The following UMAD1 variants were observed in gnomAD, a reference collection of about 807,000 sequenced individuals.
The protein encoded by UMAD1 is UBAP1-MVB12-associated (UMA) domain containing 1, also known as UBAP1-MVB12-associated (UMA)-domain containing protein 1.
In UMAD1, 8 loss-of-function variants were observed where a neutral mutation model predicts 6.1. That is an observed-to-expected ratio of 1.30 (90% CI 0.76 to 2.35). UMAD1 has a LOEUF of 2.35. Ranked by LOEUF, UMAD1 falls within the 30% of genes most tolerant of loss-of-function variation. The pLI is 0.00. For missense variants in UMAD1, 130 were observed against 78.4 expected, an observed-to-expected ratio of 1.66 and a Z score of -2.49; for synonymous variants, 56 against 31.4, an observed-to-expected ratio of 1.78 and a Z score of -2.61.
intron 2 of UMAD1, among the ~76,000 whole-genome samples, chr7:7,738,302 A>G (rs1014367717): frequency 6.6e-6 from 1 of 152,238 alleles, no homozygotes; most frequent in African/African-American, 2.4e-5. Context: ...TGTTCTGCCT[A>G]TGCCCTTAGT....
At chr7:7,758,953 C>T (rs1379509660) in intron 2 of UMAD1, among the ~76,000 whole-genome samples, 1 of 152,118 alleles carries the variant, frequency 6.6e-6, no homozygotes, top group East Asian at 1.9e-4. Context: ...TGTTTTTATA[C>T]AGAAAATGAG....
At chr7:7,791,100 C>G (rs1423562643) in intron 2 of UMAD1, among the ~76,000 whole-genome samples, 2 of 152,188 alleles carry the variant, frequency 1.3e-5, no homozygotes, top group Middle Eastern at 6.3e-3. Flanking sequence ...GTTGGCCAGG[C>G]TGGTCTCGAA....
At chr7:7,790,431 A>G (rs1782546654) in intron 2 of UMAD1, among the ~76,000 whole-genome samples, 2 of 152,226 alleles carry the variant, frequency 1.3e-5, no homozygotes, top group African/African-American at 2.4e-5. Context: ...TTGTAGCCCA[A>G]CTAAAAGTCT....
chr7:7,827,389 C>T (rs1246607669), intron 3 of UMAD1, among the ~76,000 whole-genome samples: 4 of 151,932 alleles, frequency 2.6e-5, no homozygotes, highest in African/African-American at 9.7e-5. Context: ...GGGCAGTCCT[C>T]CTGTATTCAA....
At chr7:7,742,508 C>G (rs1286558633) in intron 2 of UMAD1, 2 of 522,076 alleles carry the variant, frequency 3.8e-6, no homozygotes, top group Non-Finnish European at 7.5e-6. Context: ...GAAGCCTTCA[C>G]TTTGGCTTCA....
In UMAD1 at chr7:7,647,886, T is replaced by C. The variant is rs368656248; in HGVS notation, c.-64+7065T>C. Among the ~76,000 whole-genome samples the C allele has an allele frequency of 2.1e-4, 32 of 152,338 alleles. 1 individual carries two copies. Among genetic ancestry groups the C allele is most frequent in the African/African-American group, 7.2e-4 (30 of 41,574 alleles). Reference sequence around the variant, plus strand: ...TCTCAGAGTGCTAGGATTACAGGTGTGAGTCACTGTGCCTGGCTTGGCTTT... The same window carrying C: ...TCTCAGAGTGCTAGGATTACAGGTGCGAGTCACTGTGCCTGGCTTGGCTTT... On this transcript the variant is annotated intron_variant, in intron 1 of 3. Coordinates refer to ENST00000682710, the MANE Select transcript of UMAD1 (RefSeq NM_001302348.2).
intron 3 of UMAD1, among the ~76,000 whole-genome samples, chr7:7,847,020 AC>A (rs1783797443): frequency 7.5e-6 from 1 of 133,152 alleles, no homozygotes; most frequent in Non-Finnish European, 1.6e-5. Flanking sequence ...ACTAACCTGC[AC>A]AATATGCACA....
At chr7:7,799,052 A>T (rs1360540094) in intron 2 of UMAD1, among the ~76,000 whole-genome samples, 5 of 152,198 alleles carry the variant, frequency 3.3e-5, no homozygotes, top group Non-Finnish European at 2.9e-5. Flanking sequence ...TAAGTACCTT[A>T]TTTCATATTT....
chr7:7,654,974 C>T (rs1374640062), intron 1 of UMAD1, among the ~76,000 whole-genome samples: 1 of 151,044 alleles, frequency 6.6e-6, no homozygotes, highest in East Asian at 1.9e-4. Flanking sequence ...ATTTTTGCTT[C>T]ATAGTAGGAT....
At chr7:7,869,510 T>C (rs1444051366) in intron 3 of UMAD1, among the ~76,000 whole-genome samples, 2 of 152,232 alleles carry the variant, frequency 1.3e-5, no homozygotes, top group Admixed American at 6.5e-5. Context: ...GTTCTTTTAA[T>C]AGGTTCTATT....
chr7:7,792,670 G>A (rs948978463), intron 2 of UMAD1, among the ~76,000 whole-genome samples: 6 of 152,092 alleles, frequency 3.9e-5, no homozygotes, highest in Non-Finnish European at 5.9e-5. Context: ...TTACATGTAC[G>A]GGCCTTCCCC....
At chr7:7,801,581 T>C in intron 2 of UMAD1, 89 bp from the exon 3 acceptor site, 2 of 650,478 alleles carry the variant, frequency 3.1e-6, no homozygotes, top group South Asian at 1.8e-5. Flanking sequence ...AAACATATAA[T>C]AACAAAAGAT....
chr7:7,722,470 C>T (rs1014422265), intron 2 of UMAD1, among the ~76,000 whole-genome samples: 13 of 151,972 alleles, frequency 8.6e-5, no homozygotes, highest in Non-Finnish European at 1.2e-4. Context: ...CCTGATTTAC[C>T]GCCCATGTGA....
chr7:7,859,816 T>C (rs1784081517), intron 3 of UMAD1, among the ~76,000 whole-genome samples: 1 of 152,250 alleles, frequency 6.6e-6, no homozygotes, highest in African/African-American at 2.4e-5. Context: ...GAATTGATTA[T>C]CCATTAATCA....
intron 2 of UMAD1, among the ~76,000 whole-genome samples, chr7:7,720,005 G>A (rs928315222): frequency 2.6e-5 from 4 of 152,204 alleles, no homozygotes; most frequent in African/African-American, 9.6e-5. Context: ...AGGGAATAAA[G>A]TTTCTTCTTC....
At position 7,729,699 on chromosome 7, in the gene UMAD1, A is replaced by G. The variant is rs556410953; in HGVS notation, c.82+56246A>G. ...TCTAAAATTCAGGATGCCCTGGTGA[A>G]CACGCTAACCTCAGTCTCCAAAGAC... On this transcript the variant is annotated intron_variant, in intron 2 of 3. Transcript: ENST00000682710. Among the ~76,000 whole-genome samples the G allele has an allele frequency of 1.1e-4, 17 of 152,276 alleles. No individual in the cohort carries two copies. The South Asian group carries it at 3.3e-3, about 30-fold the overall frequency.
At chr7:7,696,074 C>T (rs2115145875) in intron 2 of UMAD1, among the ~76,000 whole-genome samples, 1 of 148,060 alleles carries the variant, frequency 6.8e-6, no homozygotes, top group South Asian at 2.2e-4. Flanking sequence ...GGTGTGATCA[C>T]AGCTCACTGC....
At chr7:7,763,526 T>G (rs906038596) in intron 2 of UMAD1, among the ~76,000 whole-genome samples, 4 of 152,208 alleles carry the variant, frequency 2.6e-5, no homozygotes, top group African/African-American at 9.7e-5. Context: ...CAATGACATT[T>G]TTCCAGTCAT....
At chr7:7,669,167 T>C (rs541970060) in intron 1 of UMAD1, among the ~76,000 whole-genome samples, 1 of 152,072 alleles carries the variant, frequency 6.6e-6, no homozygotes, top group South Asian at 2.1e-4. Flanking sequence ...ATACTGTATA[T>C]AGGGTTTAGT....
Sources: allele counts gnomAD v4.1 joint callset (sites outside exome capture counted in the v4.1 genomes callset), GRCh38; gene constraint gnomAD v4.1.1; transcripts MANE v1.5; gene names NCBI Gene and HGNC (gene_info 2026-07-23, HGNC 2026-07-21).